SPATA13: variants seen among roughly 807,000 people sequenced by gnomAD.
The protein encoded by SPATA13 is spermatogenesis associated 13, also known as spermatogenesis-associated protein 13.
In SPATA13, 50 loss-of-function variants were observed where a neutral mutation model predicts 104.0. That is an observed-to-expected ratio of 0.48 (90% CI 0.38 to 0.61). SPATA13 has a LOEUF of 0.61. SPATA13 is among the 20% of genes least tolerant of loss of function. The pLI, the probability that SPATA13 is intolerant of heterozygous loss-of-function variation, is 0.00. For synonymous variants in SPATA13, 606 were observed against 667.5 expected (o/e 0.91, Z 1.42); for missense variants, 1,524 against 1,690.6 (o/e 0.90, Z 1.73).
chr13:24,064,439 A>G (rs1878880503), intron 3 of SPATA13, among the ~76,000 whole-genome samples: 1 of 152,102 alleles, frequency 6.6e-6, no homozygotes, highest in South Asian at 2.1e-4. Flanking sequence ...ACCCCTAGTA[A>G]GAGGCTGTTA....
chr13:23,997,644 C>G (rs1324851013), intron 2 of SPATA13, among the ~76,000 whole-genome samples: 3 of 152,090 alleles, frequency 2.0e-5, no homozygotes, highest in Non-Finnish European at 2.9e-5. Flanking sequence ...AGCATCAGAC[C>G]CGCATCTGCT....
intron 3 of SPATA13, among the ~76,000 whole-genome samples, chr13:24,031,938 C>T (rs1020933681): frequency 1.3e-5 from 2 of 152,184 alleles, no homozygotes; most frequent in African/African-American, 4.8e-5. Flanking sequence ...ATTCTTCACC[C>T]ACAGTTGTCC....
intron 3 of SPATA13, among the ~76,000 whole-genome samples, chr13:24,075,254 C>T (rs1313182141): frequency 2.6e-5 from 4 of 152,116 alleles, no homozygotes; most frequent in African/African-American, 4.8e-5. Context: ...GTTAATCTCC[C>T]ACTAAAATAT....
At chr13:24,079,902 G>A (rs1282084080) in intron 3 of SPATA13, among the ~76,000 whole-genome samples, 3 of 152,144 alleles carry the variant, frequency 2.0e-5, no homozygotes, top group African/African-American at 7.2e-5. Context: ...AAGTCACAAA[G>A]TCAACCCGTG....
In SPATA13 at chr13:24,305,647, G is replaced by C. The variant is rs1214870728; in HGVS notation, c.*2874G>C. On this transcript the variant is annotated 3_prime_UTR_variant, in exon 13 of 13. Coordinates refer to ENST00000382108, the MANE Select transcript of SPATA13 (RefSeq NM_001166271.3). ...TTCATTGGGAATCTTGCTCTCTCCC[G>C]CCTCTATGCCTTTCTCTCTTTTTAA... 1 of 152,134 alleles carries C rather than the reference G, an allele frequency of 6.6e-6. No homozygotes were observed. The highest frequency in any genetic ancestry group is 1.5e-5 in the Non-Finnish European group (1 of 68,044). 9.4% of individuals were successfully genotyped at this position (152,134 alleles called of 1,614,324 possible). A position where few individuals can be genotyped will look rare whatever the true frequency, so the allele number is the denominator to read the frequency against.
At chr13:24,058,724 G>A (rs973932690) in intron 3 of SPATA13, among the ~76,000 whole-genome samples, 4 of 151,718 alleles carry the variant, frequency 2.6e-5, no homozygotes, top group African/African-American at 9.7e-5. Flanking sequence ...ACTATTGGAG[G>A]CATTATCTAA....
chr13:24,085,654 G>A (rs545147931), intron 3 of SPATA13, among the ~76,000 whole-genome samples: 1 of 152,302 alleles, frequency 6.6e-6, no homozygotes, highest in Admixed American at 6.5e-5. Context: ...TCACTTCCAT[G>A]TGGCCCGACT....
intron 2 of SPATA13, chr13:23,984,032 A>G (rs913227029): frequency 4.7e-5 from 40 of 854,128 alleles, no homozygotes; most frequent in Non-Finnish European, 5.4e-5. Flanking sequence ...AAGGGCAGCC[A>G]GTAGAATTTG....
intron 1 of SPATA13, among the ~76,000 whole-genome samples, chr13:24,190,642 A>T (rs965385541): frequency 3.9e-5 from 6 of 151,902 alleles, no homozygotes; most frequent in African/African-American, 1.5e-4. Context: ...TTAGAAGTGG[A>T]GGCTGAAGAT....
chr13:24,001,949 G>C (rs975639352), intron 2 of SPATA13, among the ~76,000 whole-genome samples: 1 of 151,938 alleles, frequency 6.6e-6, no homozygotes, highest in East Asian at 1.9e-4. Flanking sequence ...GTGAGGAGGA[G>C]ACTGCATGGC....
intron 3 of SPATA13, among the ~76,000 whole-genome samples, chr13:24,089,773 G>A (rs1879854757): frequency 6.6e-6 from 1 of 152,212 alleles, no homozygotes; most frequent in African/African-American, 2.4e-5. Context: ...GACTGAGGGG[G>A]TAACTTATAA....
At chr13:24,054,014 G>A (rs991710848) in intron 3 of SPATA13, among the ~76,000 whole-genome samples, 2 of 152,170 alleles carry the variant, frequency 1.3e-5, no homozygotes, top group African/African-American at 4.8e-5. Flanking sequence ...GGTGACGGAG[G>A]CTCCTGGACA....
intron 3 of SPATA13, among the ~76,000 whole-genome samples, chr13:24,020,591 A>G (rs1208300451): frequency 1.3e-5 from 2 of 152,230 alleles, no homozygotes; most frequent in Non-Finnish European, 2.9e-5. Flanking sequence ...TAATCCATCT[A>G]TAAAATTTAA....
intron 3 of SPATA13, among the ~76,000 whole-genome samples, chr13:24,128,142 C>T (rs577278558): frequency 3.9e-5 from 6 of 152,252 alleles, no homozygotes; most frequent in East Asian, 1.9e-4. Context: ...GGGCTTTATT[C>T]GGAGGAAGAA....
intron 2 of SPATA13, among the ~76,000 whole-genome samples, chr13:24,235,322 T>G (rs951590823): frequency 1.2e-4 from 19 of 152,164 alleles, no homozygotes; most frequent in Non-Finnish European, 1.8e-4. Context: ...AATGCAAACT[T>G]TGAGATTCGC....
intron 3 of SPATA13, among the ~76,000 whole-genome samples, chr13:24,029,020 C>A (rs1207790407): frequency 1.3e-5 from 2 of 151,976 alleles, no homozygotes; most frequent in African/African-American, 4.8e-5. Context: ...TTTGTTTCCT[C>A]GTATGTGGTT....
chr13:24,093,656 G>A (rs1879978206), intron 3 of SPATA13, among the ~76,000 whole-genome samples: 1 of 152,168 alleles, frequency 6.6e-6, no homozygotes, highest in Non-Finnish European at 1.5e-5. Flanking sequence ...TAGAAGCTTG[G>A]CTTGGTGGCT....
At chr13:24,139,670 G>A (rs1881686710) in intron 3 of SPATA13, among the ~76,000 whole-genome samples, 1 of 152,174 alleles carries the variant, frequency 6.6e-6, no homozygotes, top group Admixed American at 6.5e-5. Flanking sequence ...TCTGAGCTTG[G>A]TAAGTTAGGA....
At chr13:24,129,029 G>C (rs1340570460) in intron 3 of SPATA13, among the ~76,000 whole-genome samples, 1 of 152,218 alleles carries the variant, frequency 6.6e-6, no homozygotes, top group African/African-American at 2.4e-5. Context: ...GACCCTTTCT[G>C]TTGTTGTCAC....
Sources: allele counts gnomAD v4.1 joint callset (sites outside exome capture counted in the v4.1 genomes callset), GRCh38; gene constraint gnomAD v4.1.1; transcripts MANE v1.5; gene names NCBI Gene and HGNC (gene_info 2026-07-23, HGNC 2026-07-21).